Variants in FCHO2 observed in about 807,000 individuals in gnomAD.
FCHO2 encodes FCH and mu domain containing endocytic adaptor 2.
Under a neutral mutation model 114.1 loss-of-function variants are expected in FCHO2, and 43 were observed. The observed-to-expected ratio is 0.38, with a 90% CI of 0.30 to 0.49. FCHO2 has a LOEUF of 0.49. Among genes scored for constraint, FCHO2 ranks in the 20% least tolerant of loss-of-function variants. The probability of loss-of-function intolerance (pLI) is 0.97; values close to 1 mark genes in which losing one functional copy is unlikely to be tolerated. For missense variants in FCHO2, 807 were observed against 950.4 expected (o/e 0.85, Z 1.98); for synonymous variants, 293 against 315.2 (o/e 0.93, Z 0.75).
chr5:73,007,255 A>C (rs1754766493), intron 6 of FCHO2, among the ~76,000 whole-genome samples: 1 of 152,160 alleles, frequency 6.6e-6, no homozygotes, highest in South Asian at 2.1e-4. Context: ...CTGCGTGTTC[A>C]TTATGGGTTG....
rs116764583 is a variant in FCHO2, at chr5:73,013,555, A to G, written c.601-2071A>G. 3.6e-3 allele frequency among the ~76,000 whole-genome samples: 541 copies of G among 152,328 alleles called. 5 individuals are homozygous for G. The highest frequency in any genetic ancestry group is 0.013 in the African/African-American group (526 of 41,578). ...TTGAGGACTATTATTGCTCTGTGAG[A>G]TATTAATAGATGTTCAGGGAAGAAG... On this transcript the variant is annotated intron_variant, in intron 6 of 25. Coordinates refer to ENST00000430046, the MANE Select transcript of FCHO2 (RefSeq NM_138782.3).
At chr5:73,043,281 C>G (rs2112814000) in intron 11 of FCHO2, among the ~76,000 whole-genome samples, 1 of 151,804 alleles carries the variant, frequency 6.6e-6, no homozygotes, top group South Asian at 2.1e-4. Flanking sequence ...TAAATTGATA[C>G]TGTCTGTCTT....
chr5:72,958,238 T>C (rs1245518065), intron 1 of FCHO2, among the ~76,000 whole-genome samples: 2 of 152,198 alleles, frequency 1.3e-5, no homozygotes, highest in Non-Finnish European at 2.9e-5. Context: ...TTTTATTGCA[T>C]CTAACCCAAA....
At chr5:73,006,984 G>T (rs1331190580) in intron 6 of FCHO2, among the ~76,000 whole-genome samples, 4 of 152,182 alleles carry the variant, frequency 2.6e-5, no homozygotes, top group Non-Finnish European at 4.4e-5. Flanking sequence ...ATTATATTTG[G>T]TGTAGTGTTC....
intron 6 of FCHO2, among the ~76,000 whole-genome samples, chr5:73,010,513 G>T (rs1754946489): frequency 6.6e-6 from 1 of 151,926 alleles, no homozygotes; most frequent in Admixed American, 6.6e-5. Flanking sequence ...GCCCTGTGTC[G>T]CTTAACAACA....
rs1170245147 is a variant in FCHO2 at position 72,990,461 on chromosome 5, A to AT, written c.201-11dup. On this transcript the variant is annotated splice_polypyrimidine_tract_variant and intron_variant, in intron 3 of 25. Transcript: ENST00000430046. ...TTTACTTTTAATAAGTTATTCCCAT[A>AT]TTTTTTATTTTCTTAGAACATTTGC... 9 of 1,486,132 alleles carry AT rather than the reference A, an allele frequency of 6.1e-6. No homozygotes were observed. The highest frequency in any genetic ancestry group is 7.2e-6 in the Non-Finnish European group (8 of 1,118,810). 92.1% of individuals were successfully genotyped at this position (1,486,132 alleles called of 1,614,324 possible).
At chr5:72,978,023 A>G (rs62360750) in intron 2 of FCHO2, among the ~76,000 whole-genome samples, 45,216 of 151,962 alleles carry the variant, frequency 0.3, 6,948 homozygotes, top group East Asian at 0.44. Context: ...TTACTGAAGC[A>G]TTGTAGTGTA....
rs1485622563 is a variant in FCHO2, at chr5:72,995,340, C to T, written c.495+4476C>T. On this transcript the variant is annotated intron_variant, in intron 5 of 25. Transcript: ENST00000430046. ...GCCGCATCTCAGCTCACTGCAACCTCCGCCTCCCGAGTTCAAGCAATTCTG... is the reference window on the plus strand; with the variant it reads ...GCCGCATCTCAGCTCACTGCAACCTTCGCCTCCCGAGTTCAAGCAATTCTG... Among the ~76,000 whole-genome samples, 3 of 151,794 alleles carry T rather than the reference C, an allele frequency of 2.0e-5. No homozygotes were observed. In the East Asian group the frequency reaches 5.8e-4, roughly 29 times the overall value.
intron 24 of FCHO2, among the ~76,000 whole-genome samples, chr5:73,086,273 G>T (rs1356611408): frequency 1.3e-5 from 2 of 152,176 alleles, no homozygotes; most frequent in East Asian, 3.8e-4. Flanking sequence ...AACCAAATTG[G>T]TTATCAAGAA....
chr5:73,030,696 C>G (rs2112785009), intron 8 of FCHO2, among the ~76,000 whole-genome samples: 1 of 152,334 alleles, frequency 6.6e-6, no homozygotes, highest in African/African-American at 2.4e-5. Context: ...TTGAGCTCCA[C>G]CCTAGACCTT....
intron 2 of FCHO2, among the ~76,000 whole-genome samples, chr5:72,969,351 C>G (rs1752382879): frequency 6.6e-6 from 1 of 152,180 alleles, no homozygotes; most frequent in African/African-American, 2.4e-5. Flanking sequence ...AACAGCTTCT[C>G]CCTTCATGGA....
intron 20 of FCHO2, 106 bp from the exon 21 acceptor site, chr5:73,077,232 G>A: frequency 1.2e-6 from 1 of 857,018 alleles, no homozygotes; most frequent in East Asian, 2.7e-5. Flanking sequence ...ACACATATAG[G>A]TGCGTGTGTG....
intron 19 of FCHO2, among the ~76,000 whole-genome samples, chr5:73,069,462 G>A (rs1398446140): frequency 1.3e-5 from 2 of 152,076 alleles, no homozygotes; most frequent in African/African-American, 4.8e-5. Context: ...GGGGTGATGG[G>A]AGACAATGGC....
intron 1 of FCHO2, among the ~76,000 whole-genome samples, chr5:72,967,929 A>ATT (rs879440135): frequency 8.3e-6 from 1 of 120,644 alleles, no homozygotes; most frequent in African/African-American, 3.2e-5. Flanking sequence ...CTCATACTTA[A>ATT]TTTTTTTTTT....
At chr5:72,968,017 C>T (rs567028728) in intron 1 of FCHO2, among the ~76,000 whole-genome samples, 24 of 151,738 alleles carry the variant, frequency 1.6e-4, no homozygotes, top group Non-Finnish European at 2.5e-4. Context: ...CTCTGCCTCC[C>T]GGGTTCACGC....
In FCHO2 at chr5:73,058,469, A is replaced by G. The variant is rs1432695900; in HGVS notation, c.1290A>G (p.Leu430=). ...GTGATTTACTTGCTTGGGACCCCCT[A>G]TTTGGACCATCTCTTGATTCATCTT... is the stretch of plus-strand genomic sequence containing the variant. The part of the protein sequence containing the change: ...GTSDLLAWDP[L]FGPSLDSSSS... Residue 430 remains leucine (L), a synonymous_variant, in exon 17 of 26, where the codon CTA becomes CTG. Transcript: ENST00000430046. 2.5e-6 allele frequency: 4 copies of G among 1,574,808 alleles called. No homozygotes were observed. The highest frequency in any genetic ancestry group is 1.3e-5 in the African/African-American group (1 of 74,136).
chr5:72,956,077 C>T lies in FCHO2; in HGVS notation c.-20C>T. 1 of 1,539,304 alleles carries T rather than the reference C, an allele frequency of 6.5e-7. No homozygotes were observed. The highest frequency in any genetic ancestry group is 8.8e-7 in the Non-Finnish European group (1 of 1,142,008). On this transcript the variant is annotated 5_prime_UTR_variant, in exon 1 of 26. Coordinates refer to ENST00000430046, the MANE Select transcript of FCHO2 (RefSeq NM_138782.3). The stretch of plus-strand genomic sequence containing the variant: ...GCGGCGGGCGGGCGCGGACGCGGAA[C>T]CCGGCGCGGCGGCGGCACGATGGTC...
intron 2 of FCHO2, among the ~76,000 whole-genome samples, chr5:72,980,787 A>G (rs997169537): frequency 5.9e-5 from 9 of 151,610 alleles, no homozygotes; most frequent in South Asian, 2.1e-4. Context: ...TTTGCTTTCC[A>G]TTTGCTTGGT....
intron 6 of FCHO2, among the ~76,000 whole-genome samples, chr5:73,014,226 T>G (rs904819306): frequency 6.6e-6 from 1 of 152,112 alleles, no homozygotes; most frequent in African/African-American, 2.4e-5. Context: ...TTCCCAGATT[T>G]CTTTGATGAC....
Sources: allele counts gnomAD v4.1 joint callset (sites outside exome capture counted in the v4.1 genomes callset), GRCh38; gene constraint gnomAD v4.1.1; transcripts MANE v1.5; gene names NCBI Gene and HGNC (gene_info 2026-07-23, HGNC 2026-07-21).